The following PRPSAP1 variants were observed in gnomAD, a reference collection of about 807,000 sequenced individuals.
The protein encoded by PRPSAP1 is phosphoribosyl pyrophosphate synthase-associated protein 1.
Under a neutral mutation model 39.4 loss-of-function variants are expected in PRPSAP1, and 31 were observed. The ratio of observed to expected loss-of-function variants is 0.79; its 90% CI spans 0.59 to 1.06. The LOEUF is 1.06. Among genes scored for constraint, PRPSAP1 ranks in the 50% least tolerant of loss-of-function variants. The pLI, the probability that PRPSAP1 is intolerant of heterozygous loss-of-function variation, is 0.00. For missense variants in PRPSAP1, 430 were observed against 511.6 expected (o/e 0.84, Z 1.54); for synonymous variants, 212 against 192.6 (o/e 1.10, Z -0.83).
chr17:76,342,500 T>TAGTC (rs1226669521), intron 3 of PRPSAP1, among the ~76,000 whole-genome samples: 2 of 151,666 alleles, frequency 1.3e-5, no homozygotes. Context: ...GATCACTTCT[T>TAGTC]AGTCCAGGAG....
chr17:76,347,257 C>T (rs960109991), intron 2 of PRPSAP1, among the ~76,000 whole-genome samples: 4 of 151,506 alleles, frequency 2.6e-5, no homozygotes, highest in Admixed American at 6.6e-5. Flanking sequence ...GAGGCCAAGA[C>T]GGGTGGATCA....
At chr17:76,328,238 AAAC>A (rs2071274746) in intron 7 of PRPSAP1, among the ~76,000 whole-genome samples, 1 of 152,128 alleles carries the variant, frequency 6.6e-6, no homozygotes, top group African/African-American at 2.4e-5. Flanking sequence ...CATTATTAAA[AAAC>A]AACAAGACAG....
At chr17:76,319,219 T>G (rs954995587) in intron 7 of PRPSAP1, among the ~76,000 whole-genome samples, 1 of 152,038 alleles carries the variant, frequency 6.6e-6, no homozygotes, top group African/African-American at 2.4e-5. Flanking sequence ...ATTATAGGCA[T>G]GAGCCACCAC....
intron 7 of PRPSAP1, among the ~76,000 whole-genome samples, chr17:76,324,846 G>A (rs1341291362): frequency 6.6e-6 from 1 of 151,502 alleles, no homozygotes; most frequent in Non-Finnish European, 1.5e-5. Flanking sequence ...CGGATCATGA[G>A]GTCAGGAGAT....
chr17:76,323,387 A>G lies in PRPSAP1; in HGVS notation c.781+5330T>C, dbSNP rs141416138. On this transcript the variant is annotated intron_variant, in intron 7 of 9. Coordinates refer to ENST00000446526, the MANE Select transcript of PRPSAP1 (RefSeq NM_002766.3). ...TTTTATAAGACTATAGATGCCATAGATAGTGATTCCTCTGAAGGACCCAAA... is the reference window on the plus strand; with the variant it reads ...TTTTATAAGACTATAGATGCCATAGGTAGTGATTCCTCTGAAGGACCCAAA... Among the ~76,000 whole-genome samples, 409 of 151,906 alleles carry G rather than the reference A, an allele frequency of 2.7e-3. 3 individuals carry two copies. Among genetic ancestry groups the G allele is most frequent in the Middle Eastern group, 3.4e-3 (1 of 292 alleles).
chr17:76,323,921 A>G (rs375800), intron 7 of PRPSAP1, among the ~76,000 whole-genome samples: 46,805 of 150,496 alleles, frequency 0.31, 8,468 homozygotes, highest in African/African-American at 0.5. Flanking sequence ...CGAGGCGGGC[A>G]GATCACCTGA....
chr17:76,311,285 T>G lies in PRPSAP1; in HGVS notation c.*257A>C, dbSNP rs2143440184. 3.1e-6 allele frequency: 1 copy of G among 320,382 alleles called. No homozygotes were observed. Among genetic ancestry groups the G allele is most frequent in the Non-Finnish European group, 5.6e-6 (1 of 177,202 alleles). 19.8% of individuals were successfully genotyped at this position (320,382 alleles called of 1,614,324 possible). ...AGTATCAATAAGATTTTCAGATTAT[T>G]TTTAAGAAAGCAGCTAGAACTTTTA... On this transcript the variant is annotated 3_prime_UTR_variant, in exon 10 of 10. Coordinates refer to ENST00000446526, the MANE Select transcript of PRPSAP1 (RefSeq NM_002766.3).
At chr17:76,324,475 C>T (rs542464522) in intron 7 of PRPSAP1, among the ~76,000 whole-genome samples, 4 of 151,874 alleles carry the variant, frequency 2.6e-5, no homozygotes, top group African/African-American at 7.2e-5. Context: ...TGATGCATAC[C>T]TATAATCCCA....
chr17:76,343,640 G>A (rs1006153369), intron 3 of PRPSAP1, among the ~76,000 whole-genome samples: 1 of 152,160 alleles, frequency 6.6e-6, no homozygotes, highest in African/African-American at 2.4e-5. Context: ...TTCAAGACCA[G>A]CCTGGCCAAC....
At chr17:76,320,291 A>AC (rs2071176598) in intron 7 of PRPSAP1, among the ~76,000 whole-genome samples, 1 of 110,716 alleles carries the variant, frequency 9.0e-6, no homozygotes, top group Admixed American at 9.6e-5. Flanking sequence ...GAAAAGAAAG[A>AC]AAGAAAGAAA....
At chr17:76,315,064 G>A (rs150303033) in intron 7 of PRPSAP1, among the ~76,000 whole-genome samples, 44 of 152,258 alleles carry the variant, frequency 2.9e-4, no homozygotes, top group African/African-American at 1.0e-3. Flanking sequence ...TCAAAATCAG[G>A]AACTTGAAGA....
chr17:76,335,634 G>C (rs893404053), intron 3 of PRPSAP1, among the ~76,000 whole-genome samples: 8 of 152,090 alleles, frequency 5.3e-5, no homozygotes, highest in Admixed American at 3.9e-4. Flanking sequence ...TGGGATTACA[G>C]GTGTGAGCCA....
intron 7 of PRPSAP1, among the ~76,000 whole-genome samples, chr17:76,322,206 G>A (rs381268): frequency 0.29 from 44,635 of 152,010 alleles, 7,561 homozygotes; most frequent in African/African-American, 0.46. Flanking sequence ...TGACCAGCCC[G>A]ACCAACATGG....
chr17:76,332,250 C>G lies in PRPSAP1; in HGVS notation c.463+13G>C, dbSNP rs374968382. The G allele has an allele frequency of 1.9e-6, 3 of 1,612,760 alleles. No individual in the cohort carries two copies. The South Asian group carries it at 3.3e-5, about 18-fold the overall frequency. On this transcript the variant is annotated intron_variant, in intron 4 of 9. Transcript: ENST00000446526. The stretch of plus-strand genomic sequence containing the variant: ...GATCATGCTGGAACCCCAGGGCCCC[C>G]GCGCACACTCACCTGCTTTCGCCAG...
At chr17:76,320,281 GAAA>G (rs758750211) in intron 7 of PRPSAP1, among the ~76,000 whole-genome samples, 6 of 103,372 alleles carry the variant, frequency 5.8e-5, no homozygotes, top group African/African-American at 2.9e-4. Context: ...AAGAAAGAAA[GAAA>G]AGAAAGAAAG....
In PRPSAP1 at chr17:76,330,295, T is replaced by A. The variant is rs530330018; in HGVS notation, c.580-197A>T. ...AAGCACTCCTACGTCAAGAATTTTT[T>A]AAAAATAATTCTTAAAACATTCATT... On this transcript the variant is annotated intron_variant, in intron 5 of 9. Coordinates refer to ENST00000446526, the MANE Select transcript of PRPSAP1 (RefSeq NM_002766.3). 2,785 of 590,580 alleles carry A rather than the reference T, an allele frequency of 4.7e-3. 12 individuals carry two copies. Among genetic ancestry groups the A allele is most frequent in the Non-Finnish European group, 6.5e-3 (2,238 of 341,838 alleles). The allele number at this position is 590,580 out of a possible 1,614,324, so 36.6% of individuals were successfully genotyped here. A position where few individuals can be genotyped will look rare whatever the true frequency, so the allele number is the denominator to read the frequency against.
intron 3 of PRPSAP1, among the ~76,000 whole-genome samples, chr17:76,336,592 C>T (rs1379262962): frequency 2.6e-5 from 4 of 151,262 alleles, no homozygotes; most frequent in Admixed American, 1.3e-4. Context: ...ATTAGCCAGG[C>T]ATGGTGGTGC....
chr17:76,347,765 T>C (rs2143548905), intron 2 of PRPSAP1, among the ~76,000 whole-genome samples: 1 of 151,958 alleles, frequency 6.6e-6, no homozygotes, highest in Non-Finnish European at 1.5e-5. Flanking sequence ...TGGCGTCTGT[T>C]TTGGAAGGTG....
At chr17:76,328,884 G>A (rs1346142245) in intron 6 of PRPSAP1, 22 bp from the exon 7 acceptor site, 1 of 1,588,158 alleles carries the variant, frequency 6.3e-7, no homozygotes, top group Non-Finnish European at 8.6e-7. Context: ...AAGGGAAATG[G>A]TGAAACTGAC....
Sources: gnomAD v4.1 joint callset for allele counts (sites outside exome capture counted in the v4.1 genomes callset) on GRCh38, gnomAD v4.1.1 for gene constraint, MANE v1.5 for transcripts, NCBI Gene and HGNC (gene_info 2026-07-23, HGNC 2026-07-21) for gene names.